FRAS1: variants seen among roughly 807,000 people sequenced by gnomAD.
FRAS1 encodes extracellular matrix organizing protein FRAS1.
Under a neutral mutation model 435.2 loss-of-function variants are expected in FRAS1, and 290 were observed. The ratio of observed to expected loss-of-function variants is 0.67; its 90% CI spans 0.61 to 0.73. The LOEUF (loss-of-function observed/expected upper bound fraction) is 0.73, where lower values mean the gene tolerates loss of function less well. Among genes scored for constraint, FRAS1 ranks in the 30% least tolerant of loss-of-function variants. FRAS1 has a pLI of 0.00. For synonymous variants in FRAS1, 1,800 were observed against 1,851.0 expected, an observed-to-expected ratio of 0.97 and a Z score of 0.71; for missense variants, 4,860 against 5,001.5, an observed-to-expected ratio of 0.97 and a Z score of 0.85.
chr4:78,399,139 A>G (rs1489225708), intron 29 of FRAS1, among the ~76,000 whole-genome samples: 1 of 152,164 alleles, frequency 6.6e-6, no homozygotes, highest in African/African-American at 2.4e-5. Flanking sequence ...AGAAAGGAGA[A>G]TATTCTCTGG....
At chr4:78,181,725 G>T (rs549315118) in intron 2 of FRAS1, 2 of 1,610,090 alleles carry the variant, frequency 1.2e-6, no homozygotes, top group African/African-American at 1.3e-5. Flanking sequence ...CTTCCAACTC[G>T]TCTTATTCCT....
At chr4:78,167,942 A>ATTGCCTTCTTATATAATTTTATG (rs1368934741) in intron 2 of FRAS1, among the ~76,000 whole-genome samples, 1 of 151,948 alleles carries the variant, frequency 6.6e-6, no homozygotes, top group Non-Finnish European at 1.5e-5. Flanking sequence ...GGAAGGCTCC[A>ATTGCCTTCTTATATAATTTTATG]TTGCCTTCTT....
At chr4:78,524,190 A>G (rs1456469701) in intron 69 of FRAS1, among the ~76,000 whole-genome samples, 1 of 152,198 alleles carries the variant, frequency 6.6e-6, no homozygotes, top group Non-Finnish European at 1.5e-5. Flanking sequence ...GCTTCTCCAG[A>G]GTAGAAGGCA....
At position 78,333,419 on chromosome 4, in the gene FRAS1, A is replaced by T; in HGVS notation, c.2278+7A>T. On this transcript the variant is annotated splice_region_variant and intron_variant, in intron 19 of 73. Transcript: ENST00000512123. ...CAGGAAGGTAGTTGCACAGGTGAGTATGTAATGTGCTGAGGCACATTGCCT... is the reference window on the plus strand; with the variant it reads ...CAGGAAGGTAGTTGCACAGGTGAGTTTGTAATGTGCTGAGGCACATTGCCT... 6.2e-7 allele frequency: 1 copy of T among 1,609,830 alleles called. No homozygotes were observed.
intron 18 of FRAS1, among the ~76,000 whole-genome samples, chr4:78,330,910 A>G (rs1729921581): frequency 6.6e-6 from 1 of 152,146 alleles, no homozygotes. Flanking sequence ...CCCTATTCGT[A>G]TCCTCCTTCC....
intron 2 of FRAS1, among the ~76,000 whole-genome samples, chr4:78,194,158 C>T (rs2110067458): frequency 6.6e-6 from 1 of 152,328 alleles, no homozygotes; most frequent in East Asian, 1.9e-4. Flanking sequence ...GTCTGATGGG[C>T]TTCCCTTTGT....
intron 20 of FRAS1, among the ~76,000 whole-genome samples, chr4:78,359,696 AAG>A (rs1349232622): frequency 6.6e-6 from 1 of 152,172 alleles, no homozygotes; most frequent in Non-Finnish European, 1.5e-5. Context: ...AGTGAACAAA[AAG>A]AGTTAGAGAG....
intron 53 of FRAS1, 27 bp from the exon 54 acceptor site, chr4:78,475,410 TA>T: frequency 1.2e-6 from 2 of 1,613,702 alleles, no homozygotes; most frequent in South Asian, 2.2e-5. Flanking sequence ...GGGCATAGTT[TA>T]AGAGATGCCT....
intron 29 of FRAS1, among the ~76,000 whole-genome samples, chr4:78,398,088 A>G (rs949254582): frequency 4.7e-5 from 7 of 150,344 alleles, no homozygotes; most frequent in East Asian, 3.9e-4. Flanking sequence ...TAGAGCTGGA[A>G]TCTCTTATTC....
chr4:78,117,121 T>G (rs1344461898), intron 2 of FRAS1, among the ~76,000 whole-genome samples: 1 of 152,230 alleles, frequency 6.6e-6, no homozygotes, highest in East Asian at 1.9e-4. Context: ...AAATTCTGGG[T>G]TGAAAATGCT....
intron 2 of FRAS1, among the ~76,000 whole-genome samples, chr4:78,067,886 T>C (rs949666106): frequency 2.7e-5 from 4 of 148,678 alleles, no homozygotes; most frequent in African/African-American, 9.9e-5. Context: ...GTATTTTTAG[T>C]AGAGACGGGG....
chr4:78,474,257 T>C (rs1719797685), intron 53 of FRAS1, among the ~76,000 whole-genome samples: 1 of 152,222 alleles, frequency 6.6e-6, no homozygotes, highest in Non-Finnish European at 1.5e-5. Flanking sequence ...AACAGAGAGA[T>C]ACTGATTGTT....
chr4:78,341,473 C>T (rs1338486080), intron 20 of FRAS1, among the ~76,000 whole-genome samples: 1 of 152,120 alleles, frequency 6.6e-6, no homozygotes, highest in Non-Finnish European at 1.5e-5. Flanking sequence ...TGCAGAAATC[C>T]AGATGAGAGA....
In FRAS1 at chr4:78,105,219, T is replaced by A. The variant is rs574494592; in HGVS notation, c.108+39203T>A. On this transcript the variant is annotated intron_variant, in intron 2 of 73. Transcript: ENST00000512123. ...CTGAAGAGTAAATGTTTAATGGGAATACTTGCCTTCCACATCTGCTCTGGA... is the reference window on the plus strand; with the variant it reads ...CTGAAGAGTAAATGTTTAATGGGAAAACTTGCCTTCCACATCTGCTCTGGA... Among the ~76,000 whole-genome samples, 4 of 152,352 alleles carry A rather than the reference T, an allele frequency of 2.6e-5. No individual in the cohort carries two copies. The East Asian group carries it at 5.8e-4, about 22-fold the overall frequency.
chr4:78,402,392 G>A lies in FRAS1; in HGVS notation c.4129+1505G>A, dbSNP rs1023204547. 2.0e-5 allele frequency among the ~76,000 whole-genome samples: 3 copies of A among 151,848 alleles called. No homozygotes were observed. In the South Asian group the frequency reaches 6.2e-4, roughly 32 times the overall value. ...AAAGACATTGAAAAGCCACCTAATCGAGAATTGGTATTATAATTATAAAAT... is the reference window on the plus strand; with the variant it reads ...AAAGACATTGAAAAGCCACCTAATCAAGAATTGGTATTATAATTATAAAAT... On this transcript the variant is annotated intron_variant, in intron 30 of 73. Transcript: ENST00000512123.
chr4:78,416,759 G>A (rs931759457), intron 32 of FRAS1, among the ~76,000 whole-genome samples: 2 of 152,156 alleles, frequency 1.3e-5, no homozygotes, highest in Non-Finnish European at 2.9e-5. Flanking sequence ...GCAGGGTGTT[G>A]AGCAGAGGCC....
intron 72 of FRAS1, among the ~76,000 whole-genome samples, chr4:78,538,532 TTTCATTGACTTACAG>T (rs1383433107): frequency 6.6e-6 from 1 of 151,888 alleles, no homozygotes; most frequent in Admixed American, 6.6e-5. Context: ...AGGAAAGAGG[TTTCATTGACTTACAG>T]TTCAGCATGG....
chr4:78,489,189 C>T (rs1720267213), intron 59 of FRAS1, 109 bp downstream of exon 59: 1 of 1,000,524 alleles, frequency 1.0e-6, no homozygotes, highest in Non-Finnish European at 1.5e-6. Context: ...TTGTATACTA[C>T]AGGTGACCCT....
intron 29 of FRAS1, among the ~76,000 whole-genome samples, chr4:78,388,799 C>A (rs984197588): frequency 1.3e-5 from 2 of 152,072 alleles, no homozygotes; most frequent in Non-Finnish European, 2.9e-5. Context: ...CAGAGCAAGG[C>A]CCTATCTCTA....
Sources: allele counts gnomAD v4.1 joint callset (sites outside exome capture counted in the v4.1 genomes callset), GRCh38; gene constraint gnomAD v4.1.1; transcripts MANE v1.5; gene names NCBI Gene and HGNC (gene_info 2026-07-23, HGNC 2026-07-21).